The following ATXN7L1 variants were observed in gnomAD, a reference collection of about 807,000 sequenced individuals.
ATXN7L1 encodes the protein ataxin-7-like protein 1.
ATXN7L1 carries 15 observed loss-of-function variants against 70.8 expected under a neutral mutation model. The observed-to-expected ratio is 0.21, with a 90% confidence interval of 0.14 to 0.33. ATXN7L1 has a LOEUF of 0.33. Ranked by LOEUF, ATXN7L1 falls within the 10% of genes least tolerant of loss-of-function variation. ATXN7L1 has a pLI of 1.00. For missense variants in ATXN7L1, 975 were observed against 1,097.1 expected, an observed-to-expected ratio of 0.89 and a Z score of 1.57; for synonymous variants, 440 against 445.1, an observed-to-expected ratio of 0.99 and a Z score of 0.14.
At chr7:105,678,296 TTTAG>T (rs1232824064) in intron 3 of ATXN7L1, among the ~76,000 whole-genome samples, 3 of 152,116 alleles carry the variant, frequency 2.0e-5, no homozygotes, top group Non-Finnish European at 4.4e-5. Flanking sequence ...GCTTGTGGCA[TTTAG>T]TTAGGAACTG....
chr7:105,737,880 C>CAG (rs1167171744), intron 3 of ATXN7L1, among the ~76,000 whole-genome samples: 1 of 152,094 alleles, frequency 6.6e-6, no homozygotes, highest in Admixed American at 6.6e-5. Flanking sequence ...AAGAGTGGCC[C>CAG]AGAGACTTGG....
At chr7:105,675,114 A>G (rs1483644549) in intron 3 of ATXN7L1, among the ~76,000 whole-genome samples, 5 of 151,396 alleles carry the variant, frequency 3.3e-5, no homozygotes, top group African/African-American at 7.3e-5. Context: ...TCCCAAAGGG[A>G]AAAAAAAAGT....
At chr7:105,730,396 T>C (rs1047880550) in intron 3 of ATXN7L1, among the ~76,000 whole-genome samples, 1 of 151,870 alleles carries the variant, frequency 6.6e-6, no homozygotes, top group African/African-American at 2.4e-5. Context: ...TCAAGTTTAT[T>C]TAAAAAAAAA....
At chr7:105,835,036 G>A (rs1436217024) in intron 2 of ATXN7L1, among the ~76,000 whole-genome samples, 2 of 151,380 alleles carry the variant, frequency 1.3e-5, no homozygotes, top group African/African-American at 2.4e-5. Flanking sequence ...AACAGAATGA[G>A]GTCAAGCTGC....
At chr7:105,854,680 AGCT>A (rs1235455415) in intron 2 of ATXN7L1, among the ~76,000 whole-genome samples, 1 of 152,130 alleles carries the variant, frequency 6.6e-6, no homozygotes, top group Non-Finnish European at 1.5e-5. Context: ...TGGTATTGTC[AGCT>A]GCTGCTGCTT....
intron 8 of ATXN7L1, among the ~76,000 whole-genome samples, chr7:105,623,849 A>G (rs1275462609): frequency 6.6e-6 from 1 of 152,162 alleles, no homozygotes; most frequent in African/African-American, 2.4e-5. Flanking sequence ...TCTTTTTAGT[A>G]GTATGTGGAA....
chr7:105,835,150 T>TC (rs1554477920), intron 2 of ATXN7L1, among the ~76,000 whole-genome samples: 1 of 4,100 alleles, frequency 2.4e-4, no homozygotes, highest in Non-Finnish European at 5.0e-4. Flanking sequence ...AAGTGTGTGG[T>TC]TTTTTTTTTT....
At chr7:105,733,622 C>CCACCCATT (rs1796926163) in intron 3 of ATXN7L1, among the ~76,000 whole-genome samples, 1 of 124,556 alleles carries the variant, frequency 8.0e-6, no homozygotes. Flanking sequence ...ATCCATCCAT[C>CCACCCATT]CATCCATCCA....
intron 11 of ATXN7L1, among the ~76,000 whole-genome samples, chr7:105,608,931 G>A (rs1160138795): frequency 2.0e-5 from 3 of 151,982 alleles, no homozygotes; most frequent in Non-Finnish European, 2.9e-5. Flanking sequence ...ATGTGTAAGG[G>A]GCAAAACCCC....
chr7:105,748,984 G>T (rs1016747479), intron 3 of ATXN7L1, among the ~76,000 whole-genome samples: 3 of 152,190 alleles, frequency 2.0e-5, no homozygotes, highest in Non-Finnish European at 4.4e-5. Flanking sequence ...CAATGCTTGG[G>T]CACCATTCTA....
intron 10 of ATXN7L1, among the ~76,000 whole-genome samples, chr7:105,611,463 T>C (rs1318883040): frequency 6.6e-6 from 1 of 152,188 alleles, no homozygotes; most frequent in Admixed American, 6.5e-5. Flanking sequence ...CCTCTGCCTC[T>C]GGGGTTCAAG....
At chr7:105,711,555 G>A (rs558967431) in intron 3 of ATXN7L1, among the ~76,000 whole-genome samples, 1 of 152,346 alleles carries the variant, frequency 6.6e-6, no homozygotes, top group African/African-American at 2.4e-5. Context: ...ATGCAAGTTT[G>A]AAACCTAGTA....
intron 3 of ATXN7L1, among the ~76,000 whole-genome samples, chr7:105,749,093 T>C (rs1200041346): frequency 6.6e-6 from 1 of 152,186 alleles, no homozygotes; most frequent in African/African-American, 2.4e-5. Context: ...TTATTAGATT[T>C]GTCTTGTTGA....
chr7:105,754,275 C>T (rs1799538343), intron 3 of ATXN7L1, among the ~76,000 whole-genome samples: 1 of 152,164 alleles, frequency 6.6e-6, no homozygotes, highest in African/African-American at 2.4e-5. Context: ...CTGGCAGCCC[C>T]TGGAGAGACC....
At chr7:105,652,686 A>G (rs913125173) in intron 4 of ATXN7L1, among the ~76,000 whole-genome samples, 5 of 152,218 alleles carry the variant, frequency 3.3e-5, no homozygotes, top group African/African-American at 4.8e-5. Context: ...AACACCCTCC[A>G]TCCCCCTGCC....
At chr7:105,746,759 GCATT>G (rs1389183559) in intron 3 of ATXN7L1, among the ~76,000 whole-genome samples, 2 of 152,104 alleles carry the variant, frequency 1.3e-5, no homozygotes, top group African/African-American at 4.8e-5. Context: ...ATAAATGAAT[GCATT>G]ATTAAGTCAA....
At chr7:105,624,310 C>A in intron 7 of ATXN7L1, 43 bp from the exon 8 acceptor site, 2 of 1,318,460 alleles carry the variant, frequency 1.5e-6, no homozygotes, top group Non-Finnish European at 2.0e-6. Flanking sequence ...ACCAAATGAA[C>A]CTTTTCTGAG....
chr7:105,731,169 T>C (rs139973480), intron 3 of ATXN7L1, among the ~76,000 whole-genome samples: 5 of 152,308 alleles, frequency 3.3e-5, no homozygotes, highest in African/African-American at 1.2e-4. Context: ...CTTCAGGCTA[T>C]GTGTATTAGG....
chr7:105,740,492 T>C (rs1475578687), intron 3 of ATXN7L1, among the ~76,000 whole-genome samples: 2 of 152,092 alleles, frequency 1.3e-5, no homozygotes, highest in African/African-American at 2.4e-5. Context: ...ACTCACAAAA[T>C]ACCAGTATCC....
Sources: gnomAD v4.1 joint callset for allele counts (sites outside exome capture counted in the v4.1 genomes callset) on GRCh38, gnomAD v4.1.1 for gene constraint, MANE v1.5 for transcripts, NCBI Gene and HGNC (gene_info 2026-07-23, HGNC 2026-07-21) for gene names.